Variants in SLIT2 observed in about 807,000 individuals in gnomAD.
The protein encoded by SLIT2 is slit homolog 2 protein.
In SLIT2, 41 loss-of-function variants were observed where a neutral mutation model predicts 185.7. The observed-to-expected ratio is 0.22, with a 90% CI of 0.17 to 0.29. The LOEUF (loss-of-function observed/expected upper bound fraction) is 0.29, where lower values mean the gene tolerates loss of function less well. SLIT2 is among the 10% of genes least tolerant of loss of function. The pLI is 1.00. For missense variants in SLIT2, 1,571 were observed against 1,909.0 expected (o/e 0.82, Z 3.30); for synonymous variants, 693 against 680.2 (o/e 1.02, Z -0.29).
chr4:20,458,655 C>T (rs1713357152), intron 4 of SLIT2, among the ~76,000 whole-genome samples: 1 of 152,170 alleles, frequency 6.6e-6, no homozygotes, highest in Non-Finnish European at 1.5e-5. Context: ...AGCCAGACCT[C>T]TATAGAAGCT....
At chr4:20,404,182 AT>A (rs1410891895) in intron 4 of SLIT2, among the ~76,000 whole-genome samples, 1 of 151,966 alleles carries the variant, frequency 6.6e-6, no homozygotes, top group Non-Finnish European at 1.5e-5. Flanking sequence ...TACATTTTAC[AT>A]TTTTTAAGAA....
chr4:20,265,686 GT>G (rs1350077937), intron 3 of SLIT2, among the ~76,000 whole-genome samples: 1 of 151,348 alleles, frequency 6.6e-6, no homozygotes, highest in African/African-American at 2.4e-5. Context: ...AAAATACCTA[GT>G]TTTCAACAGG....
intron 36 of SLIT2, among the ~76,000 whole-genome samples, chr4:20,617,940 A>C (rs1023421447): frequency 2.0e-5 from 3 of 152,118 alleles, no homozygotes; most frequent in Non-Finnish European, 4.4e-5. Context: ...TTGTAAAAGA[A>C]ATGCTCCTTT....
chr4:20,584,143 G>A (rs1459467007), intron 29 of SLIT2, among the ~76,000 whole-genome samples: 1 of 152,062 alleles, frequency 6.6e-6, no homozygotes, highest in East Asian at 1.9e-4. Context: ...TTTTTTTAGA[G>A]CCACAGTTAA....
rs1722087091 is a variant in SLIT2 at position 20,252,072 on chromosome 4, G to A, written c.-1744G>A. Among the ~76,000 whole-genome samples the A allele has an allele frequency of 6.6e-6, 1 of 152,162 alleles. No homozygotes were observed. ...GCGCCGAAGCGCCCAGGCGCAGGCCGAAGCTGCCGCGCTTTCTGGGCACGG... is the reference window on the plus strand; with the variant it reads ...GCGCCGAAGCGCCCAGGCGCAGGCCAAAGCTGCCGCGCTTTCTGGGCACGG... On this transcript the variant is annotated 5_prime_UTR_variant, in exon 1 of 37. Coordinates refer to ENST00000504154, the MANE Select transcript of SLIT2 (RefSeq NM_004787.4).
intron 4 of SLIT2, among the ~76,000 whole-genome samples, chr4:20,303,665 A>G (rs969473119): frequency 6.6e-5 from 10 of 152,212 alleles, no homozygotes; most frequent in African/African-American, 2.4e-4. Context: ...GTGACACAGC[A>G]TCAGGCTTAA....
chr4:20,618,869 G>A lies in SLIT2; in HGVS notation c.4450G>A (p.Gly1484Ser), dbSNP rs748206554. The A allele has an allele frequency of 1.2e-6, 2 of 1,614,178 alleles. No individual in the cohort carries two copies. The highest frequency in any genetic ancestry group is 1.7e-5 in the Admixed American group (1 of 60,026). Reference protein sequence around the residue: ...TKKVSRLECRGGCAGGQCCGP... With the variant: ...TKKVSRLECRSGCAGGQCCGP... ...GAAGGTGTCCCGATTAGAGTGCAGA[G>A]GTGGGTGTGCAGGAGGGCAGTGCTG... The change falls in exon 37 of 37, where the codon GGT (glycine) becomes AGT (serine). Residue 1484 changes from glycine to serine, a missense_variant. Transcript: ENST00000504154.
intron 11 of SLIT2, among the ~76,000 whole-genome samples, chr4:20,518,779 G>T (rs1289532122): frequency 7.8e-6 from 1 of 128,592 alleles, no homozygotes; most frequent in Admixed American, 7.9e-5. Flanking sequence ...TAATTTTTTT[G>T]TGTTTTTTAG....
chr4:20,470,456 G>C (rs1158953275), intron 5 of SLIT2, among the ~76,000 whole-genome samples: 1 of 147,872 alleles, frequency 6.8e-6, no homozygotes, highest in African/African-American at 2.5e-5. Context: ...GGTTAGATTG[G>C]AAGAGTAAAA....
intron 9 of SLIT2, among the ~76,000 whole-genome samples, chr4:20,496,191 A>G (rs1016332474): frequency 6.6e-6 from 1 of 152,206 alleles, no homozygotes; most frequent in African/African-American, 2.4e-5. Flanking sequence ...CTGCCTATAA[A>G]TCTAAGTAGA....
chr4:20,472,287 G>GATCT (rs1560452830), intron 5 of SLIT2, among the ~76,000 whole-genome samples: 17 of 14,870 alleles, frequency 1.1e-3, no homozygotes, highest in South Asian at 9.3e-3. Context: ...TATATATATA[G>GATCT]ATATATAGAT....
chr4:20,519,498 A>T (rs751179834), intron 12 of SLIT2, 45 bp downstream of exon 12: 1 of 1,143,930 alleles, frequency 8.7e-7, no homozygotes, highest in East Asian at 2.4e-5. Context: ...AATAATATAT[A>T]TTAGCCATTT....
intron 4 of SLIT2, among the ~76,000 whole-genome samples, chr4:20,390,955 T>C (rs1725368618): frequency 6.6e-6 from 1 of 151,946 alleles, no homozygotes; most frequent in Non-Finnish European, 1.5e-5. Flanking sequence ...ATACACAAAG[T>C]ATCTGAATGC....
At chr4:20,522,385 G>T (rs911678225) in intron 12 of SLIT2, among the ~76,000 whole-genome samples, 5 of 152,084 alleles carry the variant, frequency 3.3e-5, no homozygotes, top group African/African-American at 9.7e-5. Flanking sequence ...TGGAGAAAAA[G>T]AATATTATTT....
intron 4 of SLIT2, among the ~76,000 whole-genome samples, chr4:20,447,825 G>A (rs922638144): frequency 4.6e-5 from 7 of 152,226 alleles, no homozygotes; most frequent in African/African-American, 1.7e-4. Context: ...GAATGCAAAA[G>A]TAATTGCTTT....
intron 4 of SLIT2, among the ~76,000 whole-genome samples, chr4:20,361,844 C>T (rs1249822141): frequency 6.6e-6 from 1 of 151,968 alleles, no homozygotes; most frequent in Non-Finnish European, 1.5e-5. Context: ...GTATAATTTA[C>T]ACAAAAAGCA....
At chr4:20,571,953 A>G (rs1725646480) in intron 29 of SLIT2, among the ~76,000 whole-genome samples, 1 of 152,222 alleles carries the variant, frequency 6.6e-6, no homozygotes, top group Admixed American at 6.5e-5. Context: ...TCTGAGAGCA[A>G]TCTGACAGAG....
intron 4 of SLIT2, among the ~76,000 whole-genome samples, chr4:20,319,662 A>G (rs1310525374): frequency 6.6e-6 from 1 of 152,168 alleles, no homozygotes; most frequent in African/African-American, 2.4e-5. Flanking sequence ...TGCACCTAAT[A>G]GGCATTCAGT....
intron 9 of SLIT2, among the ~76,000 whole-genome samples, chr4:20,499,156 TG>T (rs1718484162): frequency 6.6e-6 from 1 of 152,232 alleles, no homozygotes; most frequent in African/African-American, 2.4e-5. Flanking sequence ...AGCATTTTTT[TG>T]TTTGTTGGCT....
Sources: gnomAD v4.1 joint callset for allele counts (sites outside exome capture counted in the v4.1 genomes callset) on GRCh38, gnomAD v4.1.1 for gene constraint, MANE v1.5 for transcripts, NCBI Gene and HGNC (gene_info 2026-07-23, HGNC 2026-07-21) for gene names.